The following RAB28 variants were observed in gnomAD, a reference collection of about 807,000 sequenced individuals.
RAB28 encodes ras-related protein Rab-28.
In RAB28, 24 loss-of-function variants were observed where a neutral mutation model predicts 31.7. That is an observed-to-expected ratio of 0.76 (90% confidence interval 0.55 to 1.06). The LOEUF (loss-of-function observed/expected upper bound fraction) is 1.06. RAB28 is among the 50% of genes least tolerant of loss of function. RAB28 has a pLI of 0.00. For missense variants in RAB28, 254 were observed against 258.5 expected, an observed-to-expected ratio of 0.98 and a Z score of 0.12; for synonymous variants, 100 against 90.4, an observed-to-expected ratio of 1.11 and a Z score of -0.60.
intron 4 of RAB28, among the ~76,000 whole-genome samples, chr4:13,385,163 A>C (rs746967179): frequency 3.9e-5 from 6 of 152,228 alleles, no homozygotes; most frequent in Non-Finnish European, 8.8e-5. Flanking sequence ...AAAAAGAATG[A>C]AAAGGAATGA....
intron 4 of RAB28, among the ~76,000 whole-genome samples, chr4:13,392,070 C>T (rs944235004): frequency 1.3e-5 from 2 of 152,016 alleles, no homozygotes; most frequent in African/African-American, 4.8e-5. Flanking sequence ...GCACATGTAC[C>T]CTAGAACTTA....
In RAB28 at chr4:13,381,493, A is replaced by C; in HGVS notation, c.493T>G (p.Ser165Ala). 6.3e-7 allele frequency: 1 copy of C among 1,596,054 alleles called. No homozygotes were observed. Among genetic ancestry groups the C allele is most frequent in the Non-Finnish European group, 8.6e-7 (1 of 1,164,700 alleles). ...SHFVSAKTGD[S>A]VFLCFQKVAA... ...ACAGTATTCATTATTTTACTTACAG[A>C]GTCTCCTGTCTTGGCTGAGACAAAG... The change falls in exon 5 of 7, where the codon TCT becomes GCT. Residue 165 changes from serine to alanine, a missense_variant and splice_region_variant. Physicochemically the swap from Ser to Ala is moderately conservative, Grantham distance 99. Coordinates refer to ENST00000330852, the MANE Select transcript of RAB28 (RefSeq NM_001017979.3).
At position 13,381,489 on chromosome 4, in the gene RAB28, A is replaced by G. The variant is rs774274062; in HGVS notation, c.495+2T>C. ...ACATACAGTATTCATTATTTTACTT[A>G]CAGAGTCTCCTGTCTTGGCTGAGAC... On this transcript the variant is annotated splice_donor_variant, in intron 5 of 6. Coordinates refer to ENST00000330852, the MANE Select transcript of RAB28 (RefSeq NM_001017979.3). LOFTEE classifies it high-confidence loss of function. 1.3e-6 allele frequency: 2 copies of G among 1,591,424 alleles called. No individual in the cohort carries two copies. The highest frequency in any genetic ancestry group is 1.7e-5 in the Admixed American group (1 of 59,576).
chr4:13,449,797 G>A (rs1044983833), intron 4 of RAB28, among the ~76,000 whole-genome samples: 2 of 151,708 alleles, frequency 1.3e-5, no homozygotes, highest in Non-Finnish European at 3.0e-5. Context: ...CCCAATACAA[G>A]TTACCGATAA....
intron 3 of RAB28, among the ~76,000 whole-genome samples, chr4:13,462,324 T>C (rs897136023): frequency 6.6e-6 from 1 of 152,182 alleles, no homozygotes; most frequent in South Asian, 2.1e-4. Context: ...GTCACCATTA[T>C]AAAACATTTC....
intron 4 of RAB28, among the ~76,000 whole-genome samples, chr4:13,394,916 G>A (rs1729805284): frequency 6.6e-6 from 1 of 152,030 alleles, no homozygotes; most frequent in African/African-American, 2.4e-5. Flanking sequence ...AACCCTTTGG[G>A]GCCTCATAAC....
At chr4:13,438,525 T>C (rs905513516) in intron 4 of RAB28, among the ~76,000 whole-genome samples, 5 of 152,204 alleles carry the variant, frequency 3.3e-5, no homozygotes, top group African/African-American at 1.2e-4. Context: ...AATCATGAAA[T>C]ACATGGGTGG....
At chr4:13,475,226 T>C (rs1042606590) in intron 2 of RAB28, among the ~76,000 whole-genome samples, 4 of 151,632 alleles carry the variant, frequency 2.6e-5, no homozygotes, top group African/African-American at 9.7e-5. Context: ...ATTTGGTTGA[T>C]ACAAAAATTT....
At chr4:13,448,708 C>T (rs1174015443) in intron 4 of RAB28, among the ~76,000 whole-genome samples, 2 of 152,058 alleles carry the variant, frequency 1.3e-5, no homozygotes, top group African/African-American at 2.4e-5. Flanking sequence ...AGATACTACT[C>T]AGCCAATTAA....
At chr4:13,467,816 C>T (rs1300528310) in intron 3 of RAB28, among the ~76,000 whole-genome samples, 1 of 151,722 alleles carries the variant, frequency 6.6e-6, no homozygotes, top group Non-Finnish European at 1.5e-5. Context: ...ATTTAATACA[C>T]AAATTAAAAG....
intron 4 of RAB28, among the ~76,000 whole-genome samples, chr4:13,415,754 G>A (rs562779726): frequency 6.6e-6 from 1 of 152,248 alleles, no homozygotes; most frequent in South Asian, 2.1e-4. Context: ...ACCACGCAAA[G>A]GCTGAGGCGT....
intron 4 of RAB28, among the ~76,000 whole-genome samples, chr4:13,388,993 G>T (rs1207043073): frequency 6.6e-6 from 1 of 152,014 alleles, no homozygotes; most frequent in Non-Finnish European, 1.5e-5. Context: ...AGAGATATTT[G>T]CTATTTGCAC....
intron 4 of RAB28, among the ~76,000 whole-genome samples, chr4:13,420,211 A>G (rs1281432124): frequency 1.3e-5 from 2 of 152,356 alleles, no homozygotes; most frequent in South Asian, 4.1e-4. Flanking sequence ...AACCAGGAAG[A>G]AGCTGAATCT....
intron 4 of RAB28, among the ~76,000 whole-genome samples, chr4:13,385,798 CATG>C (rs1729344450): frequency 6.6e-6 from 1 of 152,110 alleles, no homozygotes; most frequent in South Asian, 2.1e-4. Context: ...CAGCTAACCT[CATG>C]ATGACATCCA....
intron 6 of RAB28, among the ~76,000 whole-genome samples, chr4:13,375,035 T>A (rs908640457): frequency 6.6e-6 from 1 of 152,132 alleles, no homozygotes; most frequent in African/African-American, 2.4e-5. Context: ...TACCAGCTCC[T>A]CTTTCAGCCA....
intron 3 of RAB28, among the ~76,000 whole-genome samples, chr4:13,470,185 C>T (rs60697568): frequency 0.016 from 2,414 of 152,120 alleles, 58 homozygotes; most frequent in African/African-American, 0.056. Context: ...ATACGCAAGA[C>T]AAATAATCTG....
At chr4:13,465,578 A>G (rs1715798468) in intron 3 of RAB28, among the ~76,000 whole-genome samples, 1 of 151,926 alleles carries the variant, frequency 6.6e-6, no homozygotes, top group Non-Finnish European at 1.5e-5. Flanking sequence ...AAGGAGAAAT[A>G]AAGATCTTCT....
At chr4:13,442,603 T>G (rs1714481248) in intron 4 of RAB28, among the ~76,000 whole-genome samples, 1 of 151,894 alleles carries the variant, frequency 6.6e-6, no homozygotes, top group Admixed American at 6.6e-5. Context: ...ATTTGTCAAG[T>G]TTTTTATTTT....
At chr4:13,394,941 G>C (rs995781177) in intron 4 of RAB28, among the ~76,000 whole-genome samples, 8 of 152,110 alleles carry the variant, frequency 5.3e-5, no homozygotes, top group African/African-American at 1.9e-4. Flanking sequence ...TTGGCGAATA[G>C]GTAAGCATTA....
Sources: allele counts gnomAD v4.1 joint callset (sites outside exome capture counted in the v4.1 genomes callset), GRCh38; gene constraint gnomAD v4.1.1; transcripts MANE v1.5; gene names NCBI Gene and HGNC (gene_info 2026-07-23, HGNC 2026-07-21).